WDR81: variants seen among roughly 807,000 people sequenced by gnomAD.
WDR81 encodes WD repeat-containing protein 81.
Under a neutral mutation model 140.8 loss-of-function variants are expected in WDR81, and 92 were observed. That is an observed-to-expected ratio of 0.65 (90% CI 0.55 to 0.78). The LOEUF (loss-of-function observed/expected upper bound fraction) is 0.78. Among genes scored for constraint, WDR81 ranks in the 30% least tolerant of loss-of-function variants. The pLI is 0.00. For missense variants in WDR81, 2,502 were observed against 2,636.4 expected (o/e 0.95, Z 1.12); for synonymous variants, 1,183 against 1,156.4 (o/e 1.02, Z -0.47).
Position 1,735,766 on chromosome 17 carries a change from T to C in WDR81, c.5325+49T>C. On this transcript the variant is annotated intron_variant, in intron 8 of 9. Transcript: ENST00000409644. The surrounding 1 kb of genome is among the most constrained non-coding windows in gnomAD (Gnocchi z 4.2). ...GCACTCGCCTGGTTCTCTGGGGACC[T>C]GGCAAGGAGGAGAGACTCCCCAAAA... 6.4e-7 allele frequency: 1 copy of C among 1,564,536 alleles called. No individual in the cohort carries two copies. Among genetic ancestry groups the C allele is most frequent in the Non-Finnish European group, 8.7e-7 (1 of 1,154,866 alleles).
intron 1 of WDR81, among the ~76,000 whole-genome samples, chr17:1,729,113 C>G (rs1340105661): frequency 2.0e-5 from 3 of 152,140 alleles, no homozygotes; most frequent in Admixed American, 6.6e-5. Flanking sequence ...TGCCGCAGTG[C>G]AGACAGTCTT....
At chr17:1,719,271 G>A (rs1374692010) in intron 1 of WDR81, among the ~76,000 whole-genome samples, 1 of 152,252 alleles carries the variant, frequency 6.6e-6, no homozygotes, top group Non-Finnish European at 1.5e-5. Flanking sequence ...AATGTGCCCG[G>A]GCGCGGTGGC....
intron 4 of WDR81, among the ~76,000 whole-genome samples, chr17:1,732,047 A>G (rs1213298524): frequency 2.0e-5 from 3 of 152,046 alleles, no homozygotes; most frequent in Non-Finnish European, 4.4e-5. Flanking sequence ...CAGCCTGGCC[A>G]ATATGGCAAA....
chr17:1,726,477 C>T lies in WDR81; in HGVS notation c.1518C>T (p.His506=). The T allele has an allele frequency of 1.3e-6, 2 of 1,550,564 alleles. No individual in the cohort carries two copies. The highest frequency in any genetic ancestry group is 1.2e-5 in the South Asian group (1 of 84,066). The change falls in exon 1 of 10, where the codon CAC becomes CAT. Residue 506 remains histidine (H), a synonymous_variant. Coordinates refer to ENST00000409644, the MANE Select transcript of WDR81 (RefSeq NM_001163809.2). ...ATCCCTCTATCTTCCGCTCCATCCA[C>T]CCCGACATGCCTGACCTGGATGTGC... ...YTDPSIFRSI[H]PDMPDLDVPA...
upstream of WDR81, among the ~76,000 whole-genome samples, chr17:1,721,145 A>G (rs907528522): frequency 6.6e-6 from 1 of 152,168 alleles, no homozygotes; most frequent in Admixed American, 6.5e-5. Flanking sequence ...AGGTATTTAT[A>G]TCAAAGTTGG....
In WDR81 at chr17:1,725,807, C is replaced by T; in HGVS notation, c.848C>T (p.Ala283Val). 6 of 1,550,630 alleles carry T rather than the reference C, an allele frequency of 3.9e-6. No individual in the cohort carries two copies. The highest frequency in any genetic ancestry group is 5.2e-6 in the Non-Finnish European group (6 of 1,146,980). Residue 283 changes from alanine (A) to valine (V), a missense_variant, in exon 1 of 10, where the codon GCC becomes GTC. Ala to Val is a moderately conservative substitution (Grantham distance 64). Coordinates refer to ENST00000409644, the MANE Select transcript of WDR81 (RefSeq NM_001163809.2). The part of the protein sequence containing the change: ...ACHRQGLACG[A>V]LSLYHIAVDE... ...CACCGCCAGGGGCTGGCGTGTGGGG[C>T]CCTGTCTTTGTATCACATCGCAGTG...
chr17:1,720,941 C>T (rs1030217944), upstream of WDR81, among the ~76,000 whole-genome samples: 1 of 152,030 alleles, frequency 6.6e-6, no homozygotes, highest in African/African-American at 2.4e-5. Flanking sequence ...TAGGTACACT[C>T]AAGGTCACTG....
chr17:1,722,817 T>G (rs957533899), upstream of WDR81, among the ~76,000 whole-genome samples: 2 of 151,712 alleles, frequency 1.3e-5, no homozygotes, highest in East Asian at 3.9e-4. Flanking sequence ...CTCAGCCTCC[T>G]GAGTAGCTGG....
rs1470211834 is a variant in WDR81 at position 1,725,095 on chromosome 17, G to A, written c.136G>A (p.Ala46Thr). 7 of 1,502,788 alleles carry A rather than the reference G, an allele frequency of 4.7e-6. No homozygotes were observed. The allele number at this position is 1,502,788 out of a possible 1,614,324, so 93.1% of individuals were successfully genotyped here. The change falls in exon 1 of 10, where the codon GCT (alanine) becomes ACT (threonine). Residue 46 changes from alanine (A) to threonine (T), a missense_variant. By Grantham distance (58) the Ala-to-Thr change is moderately conservative. This residue lies in a region of WDR81 where 547 missense variants were observed against 513.8 expected (regional missense o/e 1.06). Coordinates refer to ENST00000409644, the MANE Select transcript of WDR81 (RefSeq NM_001163809.2). ...RDLSIDPRQL[A>T]PAPGGTHVVA... ...CCTGAGCATCGATCCCAGGCAGCTG[G>A]CTCCGGCCCCGGGGGGCACCCACGT...
Position 1,738,061 on chromosome 17 carries a change from C to T in WDR81, c.*376C>T. On this transcript the variant is annotated 3_prime_UTR_variant, in exon 10 of 10. Transcript: ENST00000409644. The stretch of plus-strand genomic sequence containing the variant: ...GCCCTGCCCAGCCGGTCTCTAGCCC[C>T]TCAGCCCCCGCTGGGCACTCTCTGT... The T allele has an allele frequency of 3.2e-6, 1 of 316,766 alleles. No homozygotes were observed. The highest frequency in any genetic ancestry group is 5.9e-6 in the Non-Finnish European group (1 of 168,806). 19.6% of individuals were successfully genotyped at this position (316,766 alleles called of 1,614,324 possible). A position where few individuals can be genotyped will look rare whatever the true frequency, so the allele number is the denominator to read the frequency against.
upstream of WDR81, among the ~76,000 whole-genome samples, chr17:1,723,465 ATTTAT>A (rs1567715989): frequency 9.6e-6 from 1 of 104,476 alleles, no homozygotes; most frequent in East Asian, 4.3e-4. Flanking sequence ...ATTTTTATTT[ATTTAT>A]TTATTTATTT....
Position 1,724,761 on chromosome 17 carries a change from G to A in WDR81, c.-199G>A. 33 of 1,141,648 alleles carry A rather than the reference G, an allele frequency of 2.9e-5. No individual in the cohort carries two copies. The highest frequency in any genetic ancestry group is 4.3e-5 in the South Asian group (1 of 23,042). 70.7% of individuals were successfully genotyped at this position (1,141,648 alleles called of 1,614,324 possible). ...CGCCCGGCAGCCTCTGCCCCGCCGC[G>A]CCCGGAGCGCAGGACCCGCGGAGGG... On this transcript the variant is annotated 5_prime_UTR_variant, in exon 1 of 10. Transcript: ENST00000409644.
At position 1,732,722 on chromosome 17, in the gene WDR81, C is replaced by T; in HGVS notation, c.4380C>T (p.Phe1460=). ...RGEGQLPQVV[F]SDGQQRPVDP... ...AGGGCCAGCTGCCACAGGTGGTCTTCTCTGATGGGCAGCAGCGGCCCGTGG... is the reference window on the plus strand; with the variant it reads ...AGGGCCAGCTGCCACAGGTGGTCTTTTCTGATGGGCAGCAGCGGCCCGTGG... Residue 1460 remains phenylalanine (F), a synonymous_variant, in exon 6 of 10, where the codon TTC becomes TTT. Transcript: ENST00000409644. 1.2e-6 allele frequency: 2 copies of T among 1,612,920 alleles called. No individual in the cohort carries two copies. The highest frequency in any genetic ancestry group is 1.7e-6 in the Non-Finnish European group (2 of 1,179,952).
At position 1,727,423 on chromosome 17, in the gene WDR81, C is replaced by A. The variant is rs1426239299; in HGVS notation, c.2464C>A (p.Leu822Met). Residue 822 changes from leucine to methionine, a missense_variant, in exon 1 of 10, where the codon CTG becomes ATG. This residue lies in a region of WDR81 where 1,737 missense variants were observed against 1,843.0 expected (regional missense o/e 0.94). Coordinates refer to ENST00000409644, the MANE Select transcript of WDR81 (RefSeq NM_001163809.2). ...KEVPVSLQPV[L>M]DTLLQMSGPE... ...GGTCCCTGTGTCTTTGCAGCCCGTG[C>A]TGGACACACTCCTGCAGATGAGTGG... is the stretch of plus-strand genomic sequence containing the variant. 1 of 1,550,406 alleles carries A rather than the reference C, an allele frequency of 6.4e-7. No homozygotes were observed. Among genetic ancestry groups the A allele is most frequent in the Non-Finnish European group, 8.7e-7 (1 of 1,146,996 alleles).
Position 1,726,866 on chromosome 17 carries a change from C to T in WDR81, c.1907C>T (p.Pro636Leu). Residue 636 changes from proline to leucine, a missense_variant, in exon 1 of 10, where the codon CCA becomes CTA. Pro to Leu is a moderately conservative substitution (Grantham distance 98). Coordinates refer to ENST00000409644, the MANE Select transcript of WDR81 (RefSeq NM_001163809.2). ...PGQLPNGVGR[P>L]VLEATPCEAS... ...CAGCTTCCAAATGGAGTGGGCCGGC[C>T]AGTTTTAGAGGCCACTCCCTGTGAG... 6.5e-7 allele frequency: 1 copy of T among 1,550,338 alleles called. No individual in the cohort carries two copies. Among genetic ancestry groups the T allele is most frequent in the Non-Finnish European group, 8.7e-7 (1 of 1,146,958 alleles).
At chr17:1,724,343 G>A (rs1366637718), upstream of WDR81, among the ~76,000 whole-genome samples, 1 of 152,216 alleles carries the variant, frequency 6.6e-6, no homozygotes, top group Non-Finnish European at 1.5e-5. Context: ...CAGCCTGGGC[G>A]ACAGAGCAAG....
chr17:1,719,895 G>A (rs1914775360), upstream of WDR81, among the ~76,000 whole-genome samples: 1 of 151,160 alleles, frequency 6.6e-6, no homozygotes, highest in African/African-American at 2.4e-5. Flanking sequence ...AGCTACTCAG[G>A]AGGCCGAGGC....
In WDR81 at chr17:1,725,172, G is replaced by GC. The variant is rs1915142247; in HGVS notation, c.217dup (p.Leu73ProfsTer54). 6.5e-7 allele frequency: 1 copy of GC among 1,534,434 alleles called. No homozygotes were observed. Among genetic ancestry groups the GC allele is most frequent in the Non-Finnish European group, 8.7e-7 (1 of 1,144,800 alleles). Reference sequence around the variant, plus strand: ...TGGCCAGCCTCCGCGATCGCCGGCTGCCCCTGGGACCCTGTCCCCGCGCAG... The same window carrying GC: ...TGGCCAGCCTCCGCGATCGCCGGCTGCCCCCTGGGACCCTGTCCCCGCGCAG... On this transcript the variant is annotated frameshift_variant, in exon 1 of 10. Coordinates refer to ENST00000409644, the MANE Select transcript of WDR81 (RefSeq NM_001163809.2). LOFTEE classifies it high-confidence loss of function.
exon 1 of WDR81, chr17:1,716,555 C>A: frequency 6.4e-7 from 1 of 1,550,848 alleles, no homozygotes; most frequent in Non-Finnish European, 8.7e-7. Flanking sequence ...GCGAAAGCCA[C>A]GGCGTCTGCG....
Sources: gnomAD v4.1 joint callset for allele counts (sites outside exome capture counted in the v4.1 genomes callset) on GRCh38, gnomAD v4.1.1 for gene constraint, gnomAD v4.1.1 regional missense constraint, Gnocchi (gnomAD v3.1) non-coding constraint, MANE v1.5 for transcripts, NCBI Gene and HGNC (gene_info 2026-07-23, HGNC 2026-07-21) for gene names.